The following TANC1 variants were observed in gnomAD, a reference collection of about 807,000 sequenced individuals.
TANC1 encodes protein TANC1.
A neutral mutation model predicts 149.7 loss-of-function variants in TANC1; 77 were observed. That is an observed-to-expected ratio of 0.51 (90% CI 0.43 to 0.62). The LOEUF is 0.62. Among genes scored for constraint, TANC1 ranks in the 20% least tolerant of loss-of-function variants. TANC1 has a pLI of 0.00. For synonymous variants in TANC1, 854 were observed against 925.0 expected (o/e 0.92, Z 1.39); for missense variants, 1,985 against 2,321.8 (o/e 0.85, Z 2.98).
At chr2:159,145,814 T>C (rs2052012776) in intron 5 of TANC1, among the ~76,000 whole-genome samples, 1 of 152,180 alleles carries the variant, frequency 6.6e-6, no homozygotes, top group African/African-American at 2.4e-5. Flanking sequence ...ACTTGCCTAA[T>C]GGATTCCCAG....
intron 2 of TANC1, among the ~76,000 whole-genome samples, chr2:159,045,533 A>G (rs1441293840): frequency 6.6e-6 from 1 of 152,226 alleles, no homozygotes; most frequent in Non-Finnish European, 1.5e-5. Flanking sequence ...AAATTCAGTG[A>G]TGCATACAAA....
chr2:159,141,934 G>A (rs373749381), intron 5 of TANC1, among the ~76,000 whole-genome samples: 72 of 152,184 alleles, frequency 4.7e-4, no homozygotes, highest in African/African-American at 1.7e-3. Flanking sequence ...TTGCAAGGCC[G>A]TAGATCTACA....
chr2:158,984,338 C>G (rs2034764458), intron 1 of TANC1, among the ~76,000 whole-genome samples: 1 of 152,170 alleles, frequency 6.6e-6, no homozygotes, highest in Non-Finnish European at 1.5e-5. Flanking sequence ...TGATTGAGAC[C>G]TAAGCCAGTG....
chr2:159,025,898 C>T lies in TANC1; in HGVS notation c.-16+24709C>T, dbSNP rs371195900. 9.2e-5 allele frequency among the ~76,000 whole-genome samples: 14 copies of T among 152,180 alleles called. No individual in the cohort carries two copies. In the East Asian group the frequency reaches 2.7e-3, roughly 29 times the overall value. ...TAGATTATAAATGGCTTAGGGAACTCCGACCAATTCCTTTGATTTTGCTTC... is the reference window on the plus strand; with the variant it reads ...TAGATTATAAATGGCTTAGGGAACTTCGACCAATTCCTTTGATTTTGCTTC... On this transcript the variant is annotated intron_variant, in intron 2 of 26. Coordinates refer to ENST00000263635, the MANE Select transcript of TANC1 (RefSeq NM_033394.3).
chr2:159,155,364 A>G (rs2053311463), intron 7 of TANC1, among the ~76,000 whole-genome samples: 1 of 152,214 alleles, frequency 6.6e-6, no homozygotes, highest in African/African-American at 2.4e-5. Flanking sequence ...CCGTTAAGTC[A>G]GTCACTCTCT....
intron 2 of TANC1, among the ~76,000 whole-genome samples, chr2:159,046,904 C>G (rs1471197769): frequency 6.6e-6 from 1 of 151,918 alleles, no homozygotes; most frequent in East Asian, 1.9e-4. Context: ...GGTGCCCCGC[C>G]CCTTTGCACC....
chr2:159,146,434 A>G lies in TANC1; in HGVS notation c.365-2708A>G, dbSNP rs180789056. Among the ~76,000 whole-genome samples, 144 of 152,224 alleles carry G rather than the reference A, an allele frequency of 9.5e-4. 5 individuals carry two copies. The highest frequency in any genetic ancestry group is 9.4e-3 in the Admixed American group (144 of 15,296). ...GAAGTAAATAAAATAACGTCTGTCCATTCATCCCAACCCCGGGTAAGGGTT... is the reference window on the plus strand; with the variant it reads ...GAAGTAAATAAAATAACGTCTGTCCGTTCATCCCAACCCCGGGTAAGGGTT... On this transcript the variant is annotated intron_variant, in intron 5 of 26. Coordinates refer to ENST00000263635, the MANE Select transcript of TANC1 (RefSeq NM_033394.3).
At position 159,079,346 on chromosome 2, in the gene TANC1, C is replaced by CTTTTTT. The variant is rs68143585; in HGVS notation, c.61+13391_61+13396dup. On this transcript the variant is annotated intron_variant, in intron 3 of 26. Coordinates refer to ENST00000263635, the MANE Select transcript of TANC1 (RefSeq NM_033394.3). ...TCACTTGGCTGAAAAGTGTGTGTGT[C>CTTTTTT]TTTTTTTTTTTTTTTTTTTTTGAGT... Among the ~76,000 whole-genome samples, 135 of 109,854 alleles carry CTTTTTT rather than the reference C, an allele frequency of 1.2e-3. 2 individuals carry two copies. The highest frequency in any genetic ancestry group is 1.9e-3 in the African/African-American group (53 of 27,820). The allele number at this position is 109,854 out of a possible 152,430, so 72.1% of individuals were successfully genotyped here.
At chr2:159,177,482 A>G (rs1230504779) in intron 13 of TANC1, among the ~76,000 whole-genome samples, 1 of 152,228 alleles carries the variant, frequency 6.6e-6, no homozygotes, top group Non-Finnish European at 1.5e-5. Flanking sequence ...AAAAACTGAA[A>G]TTAGACCTCA....
At chr2:158,984,455 A>T (rs540473744) in intron 1 of TANC1, among the ~76,000 whole-genome samples, 3 of 152,358 alleles carry the variant, frequency 2.0e-5, no homozygotes, top group African/African-American at 7.2e-5. Flanking sequence ...TTTTTTAAAG[A>T]TAAAAAGTTA....
At chr2:159,003,879 A>G in intron 2 of TANC1, 2 of 1,612,698 alleles carry the variant, frequency 1.2e-6, no homozygotes, top group Non-Finnish European at 1.7e-6. Context: ...CTTCAGGCTC[A>G]GGTCCAGATA....
intron 2 of TANC1, among the ~76,000 whole-genome samples, chr2:159,003,748 C>T (rs1014708750): frequency 6.6e-6 from 1 of 152,194 alleles, no homozygotes; most frequent in Non-Finnish European, 1.5e-5. Context: ...GCCGCTGCCG[C>T]AGTCGTCGTC....
At chr2:158,975,730 A>G (rs1573909200) in intron 1 of TANC1, among the ~76,000 whole-genome samples, 1 of 151,672 alleles carries the variant, frequency 6.6e-6, no homozygotes, top group East Asian at 1.9e-4. Context: ...CACCATCCCC[A>G]GCCCACAATG....
At chr2:159,157,536 C>G (rs1034964317) in intron 7 of TANC1, among the ~76,000 whole-genome samples, 9 of 152,204 alleles carry the variant, frequency 5.9e-5, no homozygotes, top group African/African-American at 1.7e-4. Context: ...CTACAGACTT[C>G]TGCGCGCGTT....
chr2:159,139,991 G>A (rs772347183), intron 5 of TANC1, among the ~76,000 whole-genome samples: 1 of 152,172 alleles, frequency 6.6e-6, no homozygotes, highest in Non-Finnish European at 1.5e-5. Context: ...GGGAGGCCAA[G>A]GCAGGAGAAT....
At chr2:159,207,100 G>A (rs1051290889) in intron 19 of TANC1, among the ~76,000 whole-genome samples, 2 of 152,192 alleles carry the variant, frequency 1.3e-5, no homozygotes, top group Non-Finnish European at 2.9e-5. Context: ...AGACTTACTT[G>A]AAATGATGCA....
intron 19 of TANC1, among the ~76,000 whole-genome samples, chr2:159,210,007 A>G (rs2058876284): frequency 6.6e-6 from 1 of 152,242 alleles, no homozygotes. Context: ...ACAAGCAAGT[A>G]AATTGCACAT....
chr2:158,996,175 A>AC (rs975635482), intron 1 of TANC1, among the ~76,000 whole-genome samples: 15 of 152,144 alleles, frequency 9.9e-5, no homozygotes, highest in Admixed American at 7.2e-4. Flanking sequence ...ACATAGTAAG[A>AC]CCCCCCAAGT....
At position 159,185,803 on chromosome 2, in the gene TANC1, G is replaced by T; in HGVS notation, c.2523G>T (p.Ala841=). The change falls in exon 15 of 27, where the codon GCG becomes GCT. Residue 841 remains alanine (A), a synonymous_variant. Transcript: ENST00000263635. ...AFLCEPRNGH[A]LLAFMFSRQE... ...TTCCTTCCCCTAGGAACGGGCACGC[G>T]CTCTTGGCATTCATGTTCTCGCGTC... 1 of 1,613,788 alleles carries T rather than the reference G, an allele frequency of 6.2e-7. No homozygotes were observed. The highest frequency in any genetic ancestry group is 2.2e-5 in the East Asian group (1 of 44,876).
Sources: gnomAD v4.1 joint callset for allele counts (sites outside exome capture counted in the v4.1 genomes callset) on GRCh38, gnomAD v4.1.1 for gene constraint, MANE v1.5 for transcripts, NCBI Gene and HGNC (gene_info 2026-07-23, HGNC 2026-07-21) for gene names.